The following CSMD1 variants were observed in gnomAD, a reference collection of about 807,000 sequenced individuals.
CSMD1 encodes CUB and sushi domain-containing protein 1.
A neutral mutation model predicts 417.5 loss-of-function variants in CSMD1; 213 were observed. The observed-to-expected ratio is 0.51, with a 90% confidence interval of 0.46 to 0.57. The LOEUF (loss-of-function observed/expected upper bound fraction) is 0.57, where lower values mean the gene tolerates loss of function less well. Among genes scored for constraint, CSMD1 ranks in the 20% least tolerant of loss-of-function variants. The pLI is 0.00. For synonymous variants in CSMD1, 2,862 were observed against 1,736.8 expected (o/e 1.65, Z -16.11); for missense variants, 6,923 against 4,529.7 (o/e 1.53, Z -15.17).
intron 12 of CSMD1, among the ~76,000 whole-genome samples, chr8:3,454,599 T>C (rs1815981303): frequency 6.6e-6 from 1 of 152,238 alleles, no homozygotes; most frequent in African/African-American, 2.4e-5. Context: ...TATGAAATTC[T>C]GGACTGAAAC....
intron 3 of CSMD1, among the ~76,000 whole-genome samples, chr8:4,392,548 G>A (rs896467161): frequency 2.6e-5 from 4 of 151,846 alleles, no homozygotes; most frequent in African/African-American, 9.7e-5. Context: ...TGGTCACTAG[G>A]AAACTTAAAT....
chr8:2,955,258 T>C (rs1401168929), intron 64 of CSMD1, among the ~76,000 whole-genome samples: 1 of 152,236 alleles, frequency 6.6e-6, no homozygotes, highest in Non-Finnish European at 1.5e-5. Context: ...CCTGAAACTA[T>C]ACCAAGTATT....
At chr8:3,622,442 T>G (rs2449226) in intron 7 of CSMD1, among the ~76,000 whole-genome samples, 101,625 of 152,098 alleles carry the variant, frequency 0.67, 34,386 homozygotes, top group African/African-American at 0.74. Context: ...CTTGCATGTC[T>G]CCTTTTCTAT....
At chr8:4,526,578 A>G (rs1441900252) in intron 2 of CSMD1, among the ~76,000 whole-genome samples, 1 of 152,258 alleles carries the variant, frequency 6.6e-6, no homozygotes, top group African/African-American at 2.4e-5. Context: ...GCTGACACAC[A>G]CATTGGTAAA....
intron 1 of CSMD1, among the ~76,000 whole-genome samples, chr8:4,978,296 A>C (rs929021819): frequency 5.3e-4 from 80 of 152,200 alleles, no homozygotes; most frequent in African/African-American, 1.8e-3. Context: ...TTTTCAACTC[A>C]AGGGTCCCTC....
intron 38 of CSMD1, among the ~76,000 whole-genome samples, chr8:3,159,357 G>T (rs1466524410): frequency 6.6e-6 from 1 of 152,002 alleles, no homozygotes; most frequent in African/African-American, 2.4e-5. Context: ...TACACCAATG[G>T]GAATTTTCTT....
intron 7 of CSMD1, among the ~76,000 whole-genome samples, chr8:3,692,698 G>T (rs1245182074): frequency 1.3e-5 from 2 of 152,152 alleles, no homozygotes; most frequent in Non-Finnish European, 2.9e-5. Flanking sequence ...CTCCAGAAGT[G>T]CTGGGATTAC....
chr8:4,991,763 A>G (rs930617423), intron 1 of CSMD1, among the ~76,000 whole-genome samples: 10 of 152,274 alleles, frequency 6.6e-5, no homozygotes, highest in Non-Finnish European at 1.0e-4. Context: ...CCCAATGGCC[A>G]GAGCGCACAA....
intron 1 of CSMD1, among the ~76,000 whole-genome samples, chr8:4,859,048 G>C (rs1801974996): frequency 6.6e-6 from 1 of 151,818 alleles, no homozygotes; most frequent in African/African-American, 2.4e-5. Context: ...AAACAGCATG[G>C]TACTGGTACC....
chr8:4,288,807 A>C (rs977717344), intron 3 of CSMD1, among the ~76,000 whole-genome samples: 1 of 152,224 alleles, frequency 6.6e-6, no homozygotes, highest in African/African-American at 2.4e-5. Context: ...AACATTGAGC[A>C]AAATCAAGTC....
chr8:3,375,309 A>T (rs766317633), intron 18 of CSMD1: 42 of 152,092 alleles, frequency 2.8e-4, no homozygotes, highest in African/African-American at 9.7e-4. Context: ...TGTCTTATCA[A>T]TTGCCTAGCC....
chr8:3,898,968 TG>T (rs1359401849), intron 5 of CSMD1, among the ~76,000 whole-genome samples: 1 of 152,050 alleles, frequency 6.6e-6, no homozygotes, highest in Non-Finnish European at 1.5e-5. Context: ...AAAAAACAAA[TG>T]GGACCATACA....
chr8:3,681,577 A>G (rs920704275), intron 7 of CSMD1, among the ~76,000 whole-genome samples: 4 of 152,180 alleles, frequency 2.6e-5, no homozygotes, highest in East Asian at 1.9e-4. Flanking sequence ...ATGCTTATGG[A>G]TAGGAAGAGT....
At chr8:3,089,699 A>G (rs983141521) in intron 48 of CSMD1, among the ~76,000 whole-genome samples, 5 of 152,190 alleles carry the variant, frequency 3.3e-5, no homozygotes, top group African/African-American at 9.7e-5. Flanking sequence ...TGTGAGATAG[A>G]TAAAGAATTT....
At chr8:4,188,982 T>C (rs1798855324) in intron 3 of CSMD1, among the ~76,000 whole-genome samples, 1 of 152,194 alleles carries the variant, frequency 6.6e-6, no homozygotes, top group Non-Finnish European at 1.5e-5. Flanking sequence ...CCAGACCTAA[T>C]GTTGGACTGT....
At chr8:3,399,309 T>G (rs1811891921) in intron 16 of CSMD1, 82 bp downstream of exon 16, 1 of 1,342,214 alleles carries the variant, frequency 7.5e-7, no homozygotes, top group Non-Finnish European at 1.0e-6. Flanking sequence ...CTGCCATCTT[T>G]TTAAAGTTTA....
chr8:4,343,943 A>G (rs1036541211), intron 3 of CSMD1, among the ~76,000 whole-genome samples: 2 of 149,584 alleles, frequency 1.3e-5, no homozygotes, highest in Non-Finnish European at 1.5e-5. Flanking sequence ...TTTAAAAATT[A>G]TAATAAGTAT....
intron 7 of CSMD1, among the ~76,000 whole-genome samples, chr8:3,651,175 CT>C (rs1426376156): frequency 6.6e-6 from 1 of 152,196 alleles, no homozygotes; most frequent in Non-Finnish European, 1.5e-5. Flanking sequence ...CCCCTGGTCT[CT>C]GTTCCCTAGA....
chr8:4,115,150 A>G (rs1802066691), intron 3 of CSMD1, among the ~76,000 whole-genome samples: 1 of 152,216 alleles, frequency 6.6e-6, no homozygotes, highest in South Asian at 2.1e-4. Flanking sequence ...AAATATCAAT[A>G]TCTCATTTTA....
Sources: gnomAD v4.1 joint callset for allele counts (sites outside exome capture counted in the v4.1 genomes callset) on GRCh38, gnomAD v4.1.1 for gene constraint, MANE v1.5 for transcripts, NCBI Gene and HGNC (gene_info 2026-07-23, HGNC 2026-07-21) for gene names.